Variants in RUNX1 observed in about 807,000 individuals in gnomAD.
RUNX1 encodes RUNX family transcription factor 1.
A neutral mutation model predicts 42.8 loss-of-function variants in RUNX1; 19 were observed. The ratio of observed to expected loss-of-function variants is 0.44; its 90% CI spans 0.31 to 0.65. RUNX1 has a LOEUF of 0.65. Ranked by LOEUF, RUNX1 falls within the 30% of genes least tolerant of loss-of-function variation. The pLI, the probability that RUNX1 is intolerant of heterozygous loss-of-function variation, is 0.07. For synonymous variants in RUNX1, 271 were observed against 289.4 expected, an observed-to-expected ratio of 0.94 and a Z score of 0.64; for missense variants, 528 against 672.0, an observed-to-expected ratio of 0.79 and a Z score of 2.37.
At chr21:35,024,461 C>T (rs2059221611) in intron 2 of RUNX1, among the ~76,000 whole-genome samples, 1 of 152,228 alleles carries the variant, frequency 6.6e-6, no homozygotes, top group Non-Finnish European at 1.5e-5. Flanking sequence ...TACCCTAATA[C>T]AACACAATGT....
chr21:34,963,783 G>A (rs1346638695), intron 2 of RUNX1, among the ~76,000 whole-genome samples: 1 of 152,170 alleles, frequency 6.6e-6, no homozygotes, highest in Non-Finnish European at 1.5e-5. Context: ...GCTGAAACAG[G>A]GAGATCCAGA....
intron 2 of RUNX1, among the ~76,000 whole-genome samples, chr21:34,968,064 C>T (rs1446775580): frequency 6.6e-6 from 1 of 152,202 alleles, no homozygotes; most frequent in African/African-American, 2.4e-5. Context: ...ATCCAGCTTC[C>T]TGCAACTGTG....
rs959907487 is a variant in RUNX1 at position 34,790,583 on chromosome 21, T to G, written c.*1552A>C. 1.0e-4 allele frequency: 24 copies of G among 233,248 alleles called. No homozygotes were observed. The highest frequency in any genetic ancestry group is 1.1e-4 in the Admixed American group (2 of 17,782). 14.4% of individuals were successfully genotyped at this position (233,248 alleles called of 1,614,324 possible). ...TTTGAATTGTAGCCACGGACAGTAG[T>G]GACATGAATCTTTCCTGTCACACTG... On this transcript the variant is annotated 3_prime_UTR_variant, in exon 9 of 9. Coordinates refer to ENST00000675419, the MANE Select transcript of RUNX1 (RefSeq NM_001754.5).
intron 2 of RUNX1, among the ~76,000 whole-genome samples, chr21:35,002,693 G>T (rs1250113270): frequency 6.6e-6 from 1 of 152,054 alleles, no homozygotes; most frequent in African/African-American, 2.4e-5. Context: ...CTCCCAAACT[G>T]CTGGGATTAC....
chr21:34,826,268 A>C (rs540865995), intron 7 of RUNX1, among the ~76,000 whole-genome samples: 5 of 152,200 alleles, frequency 3.3e-5, no homozygotes, highest in African/African-American at 1.2e-4. Flanking sequence ...TTATTGGTGA[A>C]GTGCCTTTGT....
intron 4 of RUNX1, 142 bp from the exon 5 acceptor site, chr21:34,880,855 T>C: frequency 2.5e-6 from 2 of 787,718 alleles, no homozygotes; most frequent in Non-Finnish European, 4.0e-6. Flanking sequence ...AATGATAACT[T>C]AAGCAAAACA....
chr21:34,830,893 A>G (rs970734182), intron 7 of RUNX1, among the ~76,000 whole-genome samples: 1 of 152,204 alleles, frequency 6.6e-6, no homozygotes, highest in Non-Finnish European at 1.5e-5. Flanking sequence ...TAGTTTATCT[A>G]GGTTTCAGTT....
intron 2 of RUNX1, among the ~76,000 whole-genome samples, chr21:35,010,647 ACACACT>A (rs2059119816): frequency 1.3e-5 from 2 of 151,800 alleles, no homozygotes; most frequent in African/African-American, 4.9e-5. Flanking sequence ...ACACACACAC[ACACACT>A]CATTCACAAA....
At position 34,852,029 on chromosome 21, in the gene RUNX1, G is replaced by A. The variant is rs559286039; in HGVS notation, c.613+7445C>T. ...TAAAAATACAAAAAATTAGCCGGGCGTGGTGGCACACACCTGTAGTCCCAG... is the reference window on the plus strand; with the variant it reads ...TAAAAATACAAAAAATTAGCCGGGCATGGTGGCACACACCTGTAGTCCCAG... On this transcript the variant is annotated intron_variant, in intron 6 of 8. Transcript: ENST00000675419. 4.6e-5 allele frequency among the ~76,000 whole-genome samples: 7 copies of A among 152,214 alleles called. No homozygotes were observed. The East Asian group carries it at 5.8e-4, about 13-fold the overall frequency.
intron 2 of RUNX1, among the ~76,000 whole-genome samples, chr21:34,920,343 G>A (rs1038783371): frequency 1.3e-5 from 2 of 152,034 alleles, no homozygotes; most frequent in Non-Finnish European, 2.9e-5. Context: ...GACGGTGATT[G>A]TCCCATTTCT....
intron 2 of RUNX1, among the ~76,000 whole-genome samples, 186 bp downstream of exon 2, chr21:35,048,656 C>T (rs1235174200): frequency 1.3e-5 from 2 of 152,320 alleles, no homozygotes; most frequent in Non-Finnish European, 2.9e-5. Context: ...TTCTGAAGAG[C>T]TTCCATCTGA....
intron 2 of RUNX1, among the ~76,000 whole-genome samples, chr21:34,900,140 A>G (rs893415670): frequency 3.3e-5 from 5 of 152,286 alleles, no homozygotes; most frequent in South Asian, 4.1e-4. Context: ...ATTTAACCCA[A>G]TCTATTGAAA....
chr21:35,032,333 G>C (rs2059278898), intron 2 of RUNX1, among the ~76,000 whole-genome samples: 1 of 152,192 alleles, frequency 6.6e-6, no homozygotes, highest in Non-Finnish European at 1.5e-5. Flanking sequence ...TCTACTCTAA[G>C]TTATTTAGCA....
chr21:34,813,111 G>A (rs1290713022), intron 7 of RUNX1, among the ~76,000 whole-genome samples: 1 of 152,074 alleles, frequency 6.6e-6, no homozygotes, highest in Non-Finnish European at 1.5e-5. Context: ...TCTCCTCCAG[G>A]GGATTTCTGG....
chr21:35,049,099 T>A, intron 1 of RUNX1, 69 bp downstream of exon 1: 2 of 556,160 alleles, frequency 3.6e-6, no homozygotes, highest in Non-Finnish European at 3.2e-6. Flanking sequence ...AAACAAATAT[T>A]CAAATTGTTA....
At chr21:34,974,637 G>A (rs151280289) in intron 2 of RUNX1, among the ~76,000 whole-genome samples, 35 of 152,280 alleles carry the variant, frequency 2.3e-4, no homozygotes, top group African/African-American at 7.9e-4. Flanking sequence ...GACAGCACCA[G>A]CTTTGTGATG....
chr21:34,934,895 G>A (rs1407296441), intron 2 of RUNX1, among the ~76,000 whole-genome samples: 1 of 152,116 alleles, frequency 6.6e-6, no homozygotes, highest in African/African-American at 2.4e-5. Flanking sequence ...CTACTCATTA[G>A]GAAACAGCAG....
chr21:34,904,736 G>A (rs1224693085), intron 2 of RUNX1, among the ~76,000 whole-genome samples: 1 of 152,040 alleles, frequency 6.6e-6, no homozygotes, highest in Non-Finnish European at 1.5e-5. Flanking sequence ...CTCAAGGGGG[G>A]CCTGCAGCAA....
At chr21:34,808,364 G>T (rs1487801392) in intron 7 of RUNX1, among the ~76,000 whole-genome samples, 1 of 152,120 alleles carries the variant, frequency 6.6e-6, no homozygotes, top group East Asian at 1.9e-4. Flanking sequence ...CTGGGAGGTG[G>T]CAGGCTGCCT....
Sources: gnomAD v4.1 joint callset for allele counts (sites outside exome capture counted in the v4.1 genomes callset) on GRCh38, gnomAD v4.1.1 for gene constraint, MANE v1.5 for transcripts, NCBI Gene and HGNC (gene_info 2026-07-23, HGNC 2026-07-21) for gene names.